The following HDGFL3 variants were observed in gnomAD, a reference collection of about 807,000 sequenced individuals.
HDGFL3 encodes the protein HDGF like 3, also known as hepatoma-derived growth factor-related protein 3.
Under a neutral mutation model 27.6 loss-of-function variants are expected in HDGFL3, and 6 were observed. The observed-to-expected ratio is 0.22, with a 90% confidence interval of 0.12 to 0.43. The LOEUF is 0.43. Ranked by LOEUF, HDGFL3 falls within the 20% of genes least tolerant of loss-of-function variation. The pLI, the probability that HDGFL3 is intolerant of heterozygous loss-of-function variation, is 1.00. For missense variants in HDGFL3, 207 were observed against 250.1 expected, an observed-to-expected ratio of 0.83 and a Z score of 1.16; for synonymous variants, 88 against 88.9, an observed-to-expected ratio of 0.99 and a Z score of 0.05.
chr15:83,126,095 T>G (rs541685394), downstream of HDGFL3, among the ~76,000 whole-genome samples: 31 of 152,298 alleles, frequency 2.0e-4, no homozygotes, highest in African/African-American at 7.5e-4. Flanking sequence ...TGGGGGTGCA[T>G]GCAAGGTGGG....
chr15:83,122,084 A>T, intron 3 of HDGFL3: 1 of 1,099,420 alleles, frequency 9.1e-7, no homozygotes, highest in African/African-American at 1.6e-5. Flanking sequence ...TCTTTTAGTT[A>T]TAATAGAACC....
chr15:83,136,604 T>C lies in HDGFL3; in HGVS notation c.*2666A>G, dbSNP rs2036630449. ...AGCATATGGAGTTCTTCCTCAGCTC[T>C]TGGCCTATCGTTGTATCTACAAACC... On this transcript the variant is annotated 3_prime_UTR_variant, in exon 6 of 6. Coordinates refer to ENST00000299633, the MANE Select transcript of HDGFL3 (RefSeq NM_016073.4). The C allele has an allele frequency of 6.2e-7, 1 of 1,613,418 alleles. No individual in the cohort carries two copies.
At chr15:83,203,946 T>C (rs1267260827) in intron 1 of HDGFL3, among the ~76,000 whole-genome samples, 1 of 149,720 alleles carries the variant, frequency 6.7e-6, no homozygotes, top group Non-Finnish European at 1.5e-5. Flanking sequence ...GCCTCAGTAC[T>C]TTTTAACATT....
intron 3 of HDGFL3, among the ~76,000 whole-genome samples, chr15:83,118,230 T>TACACAC (rs72160704): frequency 4.6e-4 from 68 of 146,348 alleles, no homozygotes; most frequent in Non-Finnish European, 7.9e-4. Flanking sequence ...TCTCTGTACG[T>TACACAC]ACACACACAC....
chr15:83,112,759 T>G, exon 4 of HDGFL3: 1 of 1,456,586 alleles, frequency 6.9e-7, no homozygotes, highest in Non-Finnish European at 9.7e-7. Flanking sequence ...AATGTGTTTA[T>G]TTTGATAGTG....
chr15:83,167,895 G>A (rs2037193112), intron 1 of HDGFL3, among the ~76,000 whole-genome samples: 1 of 152,176 alleles, frequency 6.6e-6, no homozygotes, highest in Non-Finnish European at 1.5e-5. Context: ...TAGACCACAT[G>A]CTTGGCCATA....
chr15:83,204,321 A>T lies in HDGFL3; in HGVS notation c.84+3010T>A, dbSNP rs192958135. On this transcript the variant is annotated intron_variant, in intron 1 of 5. Coordinates refer to ENST00000299633, the MANE Select transcript of HDGFL3 (RefSeq NM_016073.4). ...AGTTAAGGTAAGTACATTCCATTCC[A>T]TGTAAATTTTACCTCAAAAGAGAAA... is the stretch of plus-strand genomic sequence containing the variant. 7.6e-3 allele frequency among the ~76,000 whole-genome samples: 1,158 copies of T among 152,176 alleles called. 13 individuals are homozygous for T. Among genetic ancestry groups the T allele is most frequent in the African/African-American group, 0.026 (1,078 of 41,518 alleles).
intron 1 of HDGFL3, among the ~76,000 whole-genome samples, chr15:83,191,811 C>A (rs2037513311): frequency 6.6e-6 from 1 of 152,044 alleles, no homozygotes; most frequent in Non-Finnish European, 1.5e-5. Context: ...GCAAAAATCA[C>A]CGAATCCAAG....
intron 3 of HDGFL3, among the ~76,000 whole-genome samples, chr15:83,122,460 T>C (rs1596498636): frequency 1.3e-5 from 2 of 152,214 alleles, no homozygotes; most frequent in African/African-American, 4.8e-5. Context: ...TATAGATACC[T>C]ATCTAGATGT....
At chr15:83,190,026 T>C (rs2037492534) in intron 1 of HDGFL3, among the ~76,000 whole-genome samples, 1 of 151,878 alleles carries the variant, frequency 6.6e-6, no homozygotes, top group African/African-American at 2.4e-5. Context: ...GGCAACATAG[T>C]GAGACCTCAT....
In HDGFL3 at chr15:83,139,117, C is replaced by T. The variant is rs2036715289; in HGVS notation, c.*153G>A. 4.5e-6 allele frequency: 2 copies of T among 446,346 alleles called. No individual in the cohort carries two copies. The highest frequency in any genetic ancestry group is 2.0e-5 in the African/African-American group (1 of 50,084). 27.6% of individuals were successfully genotyped at this position (446,346 alleles called of 1,614,324 possible). A position where few individuals can be genotyped will look rare whatever the true frequency, so the allele number is the denominator to read the frequency against. On this transcript the variant is annotated 3_prime_UTR_variant, in exon 6 of 6. Coordinates refer to ENST00000299633, the MANE Select transcript of HDGFL3 (RefSeq NM_016073.4). ...AATGTCTTTTCCCCCCGAAACACAA[C>T]AGAGAGGAATATGAATAATGTACAT...
intron 1 of HDGFL3, among the ~76,000 whole-genome samples, chr15:83,167,427 G>C (rs927647305): frequency 6.6e-6 from 1 of 152,026 alleles, no homozygotes; most frequent in Non-Finnish European, 1.5e-5. Flanking sequence ...GCGTGGTGGC[G>C]GATGCCTGTA....
chr15:83,121,804 T>G (rs1389854705), intron 3 of HDGFL3: 6 of 745,352 alleles, frequency 8.0e-6, no homozygotes, highest in Non-Finnish European at 9.0e-6. Context: ...CAATTCAATA[T>G]GTTTTGATTG....
At chr15:83,175,675 C>T (rs746815548) in intron 1 of HDGFL3, among the ~76,000 whole-genome samples, 10 of 152,134 alleles carry the variant, frequency 6.6e-5, no homozygotes, top group Non-Finnish European at 1.2e-4. Flanking sequence ...CTGGCTAACA[C>T]GGTGAAACCC....
chr15:83,152,952 T>C (rs72756000), intron 4 of HDGFL3, among the ~76,000 whole-genome samples: 5,275 of 151,266 alleles, frequency 0.035, 132 homozygotes, highest in Middle Eastern at 0.062. Flanking sequence ...AACTGCTTTA[T>C]ATAGTGATTT....
chr15:83,183,292 T>C (rs1281010902), intron 1 of HDGFL3, among the ~76,000 whole-genome samples: 2 of 151,984 alleles, frequency 1.3e-5, no homozygotes, highest in Non-Finnish European at 2.9e-5. Context: ...AATAATAATA[T>C]ACATGCACAA....
At chr15:83,176,064 C>G (rs1390456596) in intron 1 of HDGFL3, among the ~76,000 whole-genome samples, 1 of 152,178 alleles carries the variant, frequency 6.6e-6, no homozygotes. Context: ...ATACACTAGT[C>G]TTTTGCCTTG....
At chr15:83,198,767 A>C (rs527370046) in intron 1 of HDGFL3, among the ~76,000 whole-genome samples, 2 of 152,188 alleles carry the variant, frequency 1.3e-5, no homozygotes, top group Non-Finnish European at 2.9e-5. Context: ...TGCAAGAACT[A>C]ATCTATTCTC....
chr15:83,158,920 T>C (rs2037064646), intron 2 of HDGFL3, among the ~76,000 whole-genome samples: 1 of 152,188 alleles, frequency 6.6e-6, no homozygotes, highest in African/African-American at 2.4e-5. Context: ...CTCGGTTTAC[T>C]GCAACCTCCA....
Sources: gnomAD v4.1 joint callset for allele counts (sites outside exome capture counted in the v4.1 genomes callset) on GRCh38, gnomAD v4.1.1 for gene constraint, MANE v1.5 for transcripts, NCBI Gene and HGNC (gene_info 2026-07-23, HGNC 2026-07-21) for gene names.